APBB2: variants seen among roughly 807,000 people sequenced by gnomAD.
APBB2 encodes amyloid beta precursor protein binding family B member 2.
Under a neutral mutation model 82.5 loss-of-function variants are expected in APBB2, and 38 were observed. The observed-to-expected ratio is 0.46, with a 90% CI of 0.36 to 0.60. The LOEUF (loss-of-function observed/expected upper bound fraction) is 0.60, where lower values mean the gene tolerates loss of function less well. Among genes scored for constraint, APBB2 ranks in the 20% least tolerant of loss-of-function variants. APBB2 has a pLI of 0.00. For synonymous variants in APBB2, 341 were observed against 368.2 expected (o/e 0.93, Z 0.85); for missense variants, 772 against 972.3 (o/e 0.79, Z 2.74).
rs544613284 is a variant in APBB2, at chr4:40,924,410, A to T, written c.1254+10046T>A. On this transcript the variant is annotated intron_variant, in intron 10 of 17. Coordinates refer to ENST00000508593, the MANE Select transcript of APBB2 (RefSeq NM_004307.2). ...CGTCCTATGCGCTCCTTGTAACGTG[A>T]ACTTGCCACGTCTCATCAAGAAGTG... 4.6e-5 allele frequency among the ~76,000 whole-genome samples: 7 copies of T among 152,324 alleles called. No individual in the cohort carries two copies. In the East Asian group the frequency reaches 5.8e-4, roughly 13 times the overall value.
intron 12 of APBB2, chr4:40,881,015 G>A (rs1056281639): frequency 5.1e-6 from 5 of 985,378 alleles, no homozygotes; most frequent in Middle Eastern, 5.2e-4. Flanking sequence ...AATCACTTAC[G>A]ATGTCTTTCC....
chr4:40,847,845 T>C (rs1373070393), intron 12 of APBB2, among the ~76,000 whole-genome samples: 1 of 152,034 alleles, frequency 6.6e-6, no homozygotes, highest in Non-Finnish European at 1.5e-5. Context: ...CTCGCTCTGT[T>C]GCCCAGGCAG....
chr4:40,929,589 C>T (rs967380034), intron 10 of APBB2, among the ~76,000 whole-genome samples: 1 of 152,112 alleles, frequency 6.6e-6, no homozygotes, highest in African/African-American at 2.4e-5. Flanking sequence ...CGTGAGCCAC[C>T]GCACTGGGCC....
At chr4:40,952,742 C>A (rs1477939611) in intron 6 of APBB2, among the ~76,000 whole-genome samples, 2 of 152,190 alleles carry the variant, frequency 1.3e-5, no homozygotes, top group African/African-American at 2.4e-5. Context: ...AGGGTGGAAT[C>A]CAGGTCCTTC....
rs114329598 is a variant in APBB2 at position 41,206,322 on chromosome 4, T to A, written c.-417+8083A>T. ...TAGGACAGCCTTCCTTCCCCTCCAC[T>A]CCCATCACACACATGCCTCTACTGC... On this transcript the variant is annotated intron_variant, in intron 1 of 17. Coordinates refer to ENST00000508593, the MANE Select transcript of APBB2 (RefSeq NM_004307.2). Among the ~76,000 whole-genome samples the A allele has an allele frequency of 9.8e-3, 1,488 of 152,264 alleles. 26 individuals carry two copies. The highest frequency in any genetic ancestry group is 0.035 in the African/African-American group (1,439 of 41,536).
rs375699819 is a variant in APBB2 at position 40,839,703 on chromosome 4, T to C, written c.1530-9126A>G. ...TTTTTGAGGTGGAGTCTCGCTCTGT[T>C]GCCCAGGCTGGAGTGCAGTGGTGCC... is the stretch of plus-strand genomic sequence containing the variant. On this transcript the variant is annotated intron_variant, in intron 12 of 17. Transcript: ENST00000508593. Among the ~76,000 whole-genome samples the C allele has an allele frequency of 3.7e-3, 560 of 151,874 alleles. 6 individuals carry two copies. Among genetic ancestry groups the C allele is most frequent in the African/African-American group, 0.013 (523 of 41,396 alleles).
chr4:40,965,652 C>T (rs1019578931), intron 6 of APBB2, among the ~76,000 whole-genome samples: 5 of 152,090 alleles, frequency 3.3e-5, no homozygotes, highest in Admixed American at 6.5e-5. Context: ...AAATTAACCT[C>T]GTCTATTGCT....
At chr4:40,876,408 A>C (rs1275984051) in intron 12 of APBB2, among the ~76,000 whole-genome samples, 1 of 152,172 alleles carries the variant, frequency 6.6e-6, no homozygotes, top group African/African-American at 2.4e-5. Context: ...TGTCACTACA[A>C]ATTAGTTTAC....
At chr4:40,997,468 T>A (rs1803943142) in intron 6 of APBB2, among the ~76,000 whole-genome samples, 1 of 152,216 alleles carries the variant, frequency 6.6e-6, no homozygotes, top group African/African-American at 2.4e-5. Flanking sequence ...AAAAGCAAGG[T>A]CAGTTAAGTA....
At chr4:40,989,063 A>T (rs1019801630) in intron 6 of APBB2, among the ~76,000 whole-genome samples, 1 of 152,154 alleles carries the variant, frequency 6.6e-6, no homozygotes, top group African/African-American at 2.4e-5. Context: ...CTGGCCCCAG[A>T]GTACTTTTTT....
At chr4:41,031,702 T>C (rs1364926907) in intron 5 of APBB2, among the ~76,000 whole-genome samples, 1 of 152,210 alleles carries the variant, frequency 6.6e-6, no homozygotes, top group Non-Finnish European at 1.5e-5. Flanking sequence ...TTTATTTTAA[T>C]GTTTTCATAC....
chr4:41,150,668 A>T (rs948573105), intron 1 of APBB2, among the ~76,000 whole-genome samples: 56 of 152,184 alleles, frequency 3.7e-4, no homozygotes, highest in African/African-American at 1.3e-3. Context: ...TAGCAGGCTG[A>T]TGTTCATTTC....
intron 10 of APBB2, among the ~76,000 whole-genome samples, chr4:40,928,633 C>T (rs1003281470): frequency 6.6e-6 from 1 of 151,140 alleles, no homozygotes; most frequent in African/African-American, 2.4e-5. Context: ...TGCCTGTAAT[C>T]CCAGCACTTT....
chr4:41,198,204 C>T, intron 1 of APBB2, among the ~76,000 whole-genome samples: 2,406 of 152,284 alleles, frequency 0.016, 73 homozygotes, highest in African/African-American at 0.055. Flanking sequence ...GGAAAGGCTA[C>T]ACCCAGCTCT....
chr4:40,893,126 C>T, intron 11 of APBB2, 139 bp downstream of exon 11: 1 of 1,026,190 alleles, frequency 9.7e-7, no homozygotes, highest in Non-Finnish European at 1.4e-6. Context: ...ACCATGCCTA[C>T]ACTTCCTGCA....
intron 10 of APBB2, among the ~76,000 whole-genome samples, chr4:40,912,206 C>T (rs1009402857): frequency 6.6e-6 from 1 of 152,188 alleles, no homozygotes; most frequent in African/African-American, 2.4e-5. Context: ...CATAGGGCTG[C>T]TGTCAAATCC....
intron 1 of APBB2, among the ~76,000 whole-genome samples, chr4:41,172,054 C>T (rs62410013): frequency 0.051 from 7,717 of 152,210 alleles, 436 homozygotes; most frequent in African/African-American, 0.14. Flanking sequence ...AAGCCAAGAG[C>T]GTACTACTGC....
At chr4:41,066,512 G>A (rs1169484940) in intron 3 of APBB2, among the ~76,000 whole-genome samples, 1 of 152,122 alleles carries the variant, frequency 6.6e-6, no homozygotes, top group Non-Finnish European at 1.5e-5. Context: ...GCCACCCTAG[G>A]GCCATGGGAT....
chr4:40,924,562 C>A (rs917241356), intron 10 of APBB2, among the ~76,000 whole-genome samples: 2 of 152,172 alleles, frequency 1.3e-5, no homozygotes, highest in African/African-American at 2.4e-5. Context: ...GTAAAAAGTA[C>A]AACTGCCTAC....
Sources: gnomAD v4.1 joint callset for allele counts (sites outside exome capture counted in the v4.1 genomes callset) on GRCh38, gnomAD v4.1.1 for gene constraint, MANE v1.5 for transcripts, NCBI Gene and HGNC (gene_info 2026-07-23, HGNC 2026-07-21) for gene names.